The following ZFAND6 variants were observed in gnomAD, a reference collection of about 807,000 sequenced individuals.
ZFAND6 encodes zinc finger AN1-type containing 6.
In ZFAND6, 12 loss-of-function variants were observed where a neutral mutation model predicts 24.5. That is an observed-to-expected ratio of 0.49 (90% confidence interval 0.31 to 0.79). The LOEUF is 0.79. ZFAND6 is among the 30% of genes least tolerant of loss of function. ZFAND6 has a pLI of 0.04. For synonymous variants in ZFAND6, 92 were observed against 81.5 expected, an observed-to-expected ratio of 1.13 and a Z score of -0.69; for missense variants, 207 against 245.9, an observed-to-expected ratio of 0.84 and a Z score of 1.06.
chr15:80,076,047 G>T (rs1272275129), intron 1 of ZFAND6, among the ~76,000 whole-genome samples: 1 of 151,918 alleles, frequency 6.6e-6, no homozygotes, highest in Non-Finnish European at 1.5e-5. Context: ...AGTGATCTCT[G>T]TGTCTTTTGC....
At chr15:80,067,064 A>G (rs1266449464) in intron 1 of ZFAND6, among the ~76,000 whole-genome samples, 2 of 152,238 alleles carry the variant, frequency 1.3e-5, no homozygotes, top group Non-Finnish European at 2.9e-5. Context: ...CTGCTGGCAC[A>G]AATGGTACAT....
intron 1 of ZFAND6, among the ~76,000 whole-genome samples, chr15:80,091,962 CT>C (rs1425511828): frequency 6.6e-6 from 1 of 152,160 alleles, no homozygotes; most frequent in African/African-American, 2.4e-5. Context: ...TAATATCTCA[CT>C]TTGACTGTTA....
rs1336850769 is a variant in ZFAND6, at chr15:80,072,915, A to AT, written c.-181+13115dup. 5.3e-5 allele frequency among the ~76,000 whole-genome samples: 8 copies of AT among 151,270 alleles called. No individual in the cohort carries two copies. The East Asian group carries it at 5.8e-4, about 11-fold the overall frequency. ...ACTCAAAATCATCTCCAATAACAGG[A>AT]TTTTTTTTTGAATTGGTTGTTTGAA... is the stretch of plus-strand genomic sequence containing the variant. On this transcript the variant is annotated intron_variant, in intron 1 of 6. Transcript: ENST00000261749.
intron 1 of ZFAND6, among the ~76,000 whole-genome samples, chr15:80,065,022 T>TAA (rs1555426225): frequency 7.2e-6 from 1 of 139,416 alleles, no homozygotes; most frequent in Non-Finnish European, 1.6e-5. Flanking sequence ...TTTTTTTTTT[T>TAA]AACAAAACAA....
intron 5 of ZFAND6, chr15:80,130,400 G>T (rs1471614983): frequency 1.3e-5 from 2 of 152,170 alleles, no homozygotes; most frequent in African/African-American, 2.4e-5. Context: ...TCTAGTTGGG[G>T]ATAAAACTGG....
chr15:80,120,471 AGTAGTAATG>A lies in ZFAND6; in HGVS notation c.132_140del (p.Ser44_Gly46del), dbSNP rs1342997233. On this transcript the variant is annotated inframe_deletion, in exon 3 of 7. Transcript: ENST00000261749. Reference sequence around the variant, plus strand: ...TAAAGAACATCTTCAAAGACAGAATAGTAGTAATGGTAGAATAAGCCCACCTGGTAAGTA... The same window carrying A: ...TAAAGAACATCTTCAAAGACAGAATAGTAGAATAAGCCCACCTGGTAAGTA... The A allele has an allele frequency of 6.3e-7, 1 of 1,576,946 alleles. No individual in the cohort carries two copies. The highest frequency in any genetic ancestry group is 8.6e-7 in the Non-Finnish European group (1 of 1,157,554).
intron 1 of ZFAND6, among the ~76,000 whole-genome samples, chr15:80,075,799 C>G (rs531570042): frequency 6.6e-6 from 1 of 152,054 alleles, no homozygotes; most frequent in Non-Finnish European, 1.5e-5. Context: ...TGTATGCCAT[C>G]GGAGAAAATG....
intron 6 of ZFAND6, among the ~76,000 whole-genome samples, chr15:80,132,494 A>G: frequency 6.6e-6 from 1 of 152,236 alleles, no homozygotes. Flanking sequence ...GCAAAAAGTT[A>G]CTGTGGTATA....
intron 1 of ZFAND6, among the ~76,000 whole-genome samples, chr15:80,073,493 C>T (rs896949212): frequency 2.6e-5 from 4 of 151,872 alleles, no homozygotes; most frequent in African/African-American, 9.7e-5. Context: ...TTGCAATAAT[C>T]ATTGCAATAA....
intron 2 of ZFAND6, among the ~76,000 whole-genome samples, chr15:80,104,402 C>G (rs180712517): frequency 2.8e-4 from 43 of 152,180 alleles, no homozygotes; most frequent in African/African-American, 1.0e-3. Flanking sequence ...GCCTGTAATC[C>G]CAGCTACTTG....
intron 1 of ZFAND6, among the ~76,000 whole-genome samples, chr15:80,091,172 T>C (rs1405389444): frequency 2.6e-5 from 4 of 152,092 alleles, no homozygotes; most frequent in Middle Eastern, 3.4e-3. Flanking sequence ...TGTGTGTGTG[T>C]GTGTGTGTGT....
At chr15:80,122,433 G>A (rs2040189542) in intron 4 of ZFAND6, among the ~76,000 whole-genome samples, 1 of 150,488 alleles carries the variant, frequency 6.6e-6, no homozygotes, top group Non-Finnish European at 1.5e-5. Context: ...TCTTTATCAT[G>A]CTAGTTTTCA....
chr15:80,119,985 C>T (rs1297810943), intron 2 of ZFAND6, among the ~76,000 whole-genome samples: 2 of 152,134 alleles, frequency 1.3e-5, no homozygotes. Flanking sequence ...TAATGTATAT[C>T]TCTTATTACT....
intron 2 of ZFAND6, among the ~76,000 whole-genome samples, chr15:80,100,930 A>G (rs2038993834): frequency 6.6e-6 from 1 of 152,172 alleles, no homozygotes; most frequent in South Asian, 2.1e-4. Context: ...TGTAAAATAG[A>G]TACAGTAATA....
chr15:80,067,137 G>A (rs1041898931), intron 1 of ZFAND6, among the ~76,000 whole-genome samples: 1 of 152,172 alleles, frequency 6.6e-6, no homozygotes, highest in Non-Finnish European at 1.5e-5. Flanking sequence ...TGTTTACTGA[G>A]GGAGGACAGT....
intron 1 of ZFAND6, among the ~76,000 whole-genome samples, chr15:80,090,685 A>G (rs1358220122): frequency 6.6e-6 from 1 of 152,182 alleles, no homozygotes; most frequent in Non-Finnish European, 1.5e-5. Context: ...ACCCTGGAGA[A>G]TGGTCTGAGA....
chr15:80,109,979 A>G (rs1427547342), intron 2 of ZFAND6, among the ~76,000 whole-genome samples: 1 of 152,164 alleles, frequency 6.6e-6, no homozygotes, highest in Non-Finnish European at 1.5e-5. Context: ...CAAAGATTTG[A>G]TCAGGGCTAG....
At chr15:80,078,822 A>AT (rs1596207773) in intron 1 of ZFAND6, among the ~76,000 whole-genome samples, 2 of 151,300 alleles carry the variant, frequency 1.3e-5, no homozygotes, top group East Asian at 3.9e-4. Flanking sequence ...GGTAATGTTG[A>AT]GCATTTTTTC....
intron 1 of ZFAND6, among the ~76,000 whole-genome samples, chr15:80,087,456 G>A (rs2038073301): frequency 6.6e-6 from 1 of 152,142 alleles, no homozygotes; most frequent in Non-Finnish European, 1.5e-5. Context: ...TCTGACTGTA[G>A]CCTCCTGTCA....
Sources: allele counts gnomAD v4.1 joint callset (sites outside exome capture counted in the v4.1 genomes callset), GRCh38; gene constraint gnomAD v4.1.1; transcripts MANE v1.5; gene names NCBI Gene and HGNC (gene_info 2026-07-23, HGNC 2026-07-21).